The following MAGI2 variants were observed in gnomAD, a reference collection of about 807,000 sequenced individuals.
The protein encoded by MAGI2 is membrane associated guanylate kinase, WW and PDZ domain containing 2, also known as membrane-associated guanylate kinase, WW and PDZ domain-containing protein 2.
MAGI2 carries 35 observed loss-of-function variants against 133.3 expected under a neutral mutation model. The observed-to-expected ratio is 0.26, with a 90% CI of 0.20 to 0.35. The LOEUF (loss-of-function observed/expected upper bound fraction) is 0.35. Among genes scored for constraint, MAGI2 ranks in the 10% least tolerant of loss-of-function variants. The pLI is 1.00. For synonymous variants in MAGI2, 729 were observed against 710.6 expected (o/e 1.03, Z -0.41); for missense variants, 1,636 against 1,863.4 (o/e 0.88, Z 2.25).
chr7:78,526,922 C>T (rs995402781), intron 3 of MAGI2, among the ~76,000 whole-genome samples: 2 of 140,996 alleles, frequency 1.4e-5, no homozygotes, highest in Non-Finnish European at 3.0e-5. Flanking sequence ...ACAGGAGAAT[C>T]GCTTGAACCT....
At chr7:79,037,134 C>G (rs1345958938) in intron 1 of MAGI2, among the ~76,000 whole-genome samples, 1 of 152,108 alleles carries the variant, frequency 6.6e-6, no homozygotes, top group Non-Finnish European at 1.5e-5. Flanking sequence ...TTTCCTCACT[C>G]CCTTCGTTTA....
chr7:78,415,124 T>C (rs950215488), intron 6 of MAGI2, among the ~76,000 whole-genome samples: 14 of 152,142 alleles, frequency 9.2e-5, no homozygotes, highest in Non-Finnish European at 1.5e-5. Context: ...TTTTAAGGTT[T>C]CATTTAAAGC....
chr7:78,116,508 TGATTA>T (rs1349848917), intron 20 of MAGI2, among the ~76,000 whole-genome samples: 1 of 152,152 alleles, frequency 6.6e-6, no homozygotes, highest in Non-Finnish European at 1.5e-5. Context: ...ATCTTTGGCA[TGATTA>T]ATAAAGAAAA....
intron 6 of MAGI2, among the ~76,000 whole-genome samples, chr7:78,435,391 C>T (rs7810607): frequency 0.078 from 11,911 of 152,178 alleles, 595 homozygotes; most frequent in Middle Eastern, 0.15. Context: ...AAGGACACTG[C>T]CTTCCTTTAC....
chr7:78,794,369 G>A (rs1165423295), intron 2 of MAGI2, among the ~76,000 whole-genome samples: 6 of 152,138 alleles, frequency 3.9e-5, no homozygotes, highest in Admixed American at 3.9e-4. Context: ...GAATTACGAT[G>A]GCAACTGCCC....
chr7:79,054,252 C>A (rs190693857), intron 1 of MAGI2, among the ~76,000 whole-genome samples: 114 of 151,950 alleles, frequency 7.5e-4, no homozygotes, highest in African/African-American at 2.6e-3. Context: ...GTAAGTTAAA[C>A]TGAGAAAAAA....
intron 2 of MAGI2, among the ~76,000 whole-genome samples, chr7:78,723,515 G>T (rs1482285601): frequency 6.6e-6 from 1 of 152,176 alleles, no homozygotes; most frequent in Non-Finnish European, 1.5e-5. Context: ...CATGAAGGAT[G>T]CAGTATTTGA....
intron 2 of MAGI2, among the ~76,000 whole-genome samples, chr7:78,952,782 G>A (rs982057620): frequency 1.6e-4 from 24 of 152,154 alleles, no homozygotes; most frequent in African/African-American, 5.3e-4. Flanking sequence ...TTCCTTACAT[G>A]GTTTGCAAAA....
intron 1 of MAGI2, among the ~76,000 whole-genome samples, chr7:79,036,281 A>T (rs1212317526): frequency 1.3e-5 from 2 of 152,226 alleles, no homozygotes; most frequent in Non-Finnish European, 2.9e-5. Context: ...AAGCCAATGT[A>T]AAAATAGGAT....
chr7:79,103,583 G>A (rs1255194697), intron 1 of MAGI2, among the ~76,000 whole-genome samples: 2 of 152,224 alleles, frequency 1.3e-5, no homozygotes, highest in Non-Finnish European at 2.9e-5. Flanking sequence ...AGTTCTTAGT[G>A]TTAGAAATTA....
intron 1 of MAGI2, among the ~76,000 whole-genome samples, chr7:79,076,658 G>C (rs1815491248): frequency 6.6e-6 from 1 of 152,158 alleles, no homozygotes; most frequent in African/African-American, 2.4e-5. Context: ...TCTATCTCCT[G>C]TTATAGTAGA....
At chr7:78,913,001 A>G (rs189498832) in intron 2 of MAGI2, among the ~76,000 whole-genome samples, 109 of 151,916 alleles carry the variant, frequency 7.2e-4, no homozygotes, top group African/African-American at 2.5e-3. Context: ...GATCAAGAGA[A>G]AGCATCTGAA....
chr7:78,646,134 G>C (rs1810867534), intron 2 of MAGI2, among the ~76,000 whole-genome samples: 1 of 152,110 alleles, frequency 6.6e-6, no homozygotes. Context: ...GGGTCAAGGA[G>C]GGAACTTGAA....
intron 4 of MAGI2, among the ~76,000 whole-genome samples, chr7:78,513,454 G>A (rs1316144447): frequency 1.3e-5 from 2 of 152,150 alleles, no homozygotes; most frequent in Non-Finnish European, 2.9e-5. Flanking sequence ...TAAAGTAGCT[G>A]TGATTTCACA....
At chr7:78,123,228 C>G (rs936658794) in intron 20 of MAGI2, among the ~76,000 whole-genome samples, 2 of 152,248 alleles carry the variant, frequency 1.3e-5, no homozygotes, top group Admixed American at 6.5e-5. Flanking sequence ...GAAAAACCAT[C>G]TAGTATAATA....
At chr7:78,202,939 A>G (rs1164398203) in intron 10 of MAGI2, among the ~76,000 whole-genome samples, 34 of 152,200 alleles carry the variant, frequency 2.2e-4, no homozygotes, top group Non-Finnish European at 4.4e-5. Context: ...TAAAAATTAC[A>G]TATAAATAAA....
At chr7:79,095,196 T>G (rs1264668169) in intron 1 of MAGI2, among the ~76,000 whole-genome samples, 2 of 152,226 alleles carry the variant, frequency 1.3e-5, no homozygotes, top group Non-Finnish European at 2.9e-5. Context: ...GCAGCTTCCT[T>G]ACCTCTCTCA....
At chr7:78,372,985 C>CTT in intron 6 of MAGI2, among the ~76,000 whole-genome samples, 1 of 66,190 alleles carries the variant, frequency 1.5e-5, no homozygotes, top group East Asian at 4.2e-4. Context: ...AATAAATAAC[C>CTT]TTATGTGTGT....
chr7:78,646,525 G>C (rs542811012), intron 2 of MAGI2, among the ~76,000 whole-genome samples: 5 of 152,064 alleles, frequency 3.3e-5, no homozygotes, highest in Non-Finnish European at 7.4e-5. Flanking sequence ...GTTTTCAAAT[G>C]TTCACTATTA....
Sources: allele counts gnomAD v4.1 joint callset (sites outside exome capture counted in the v4.1 genomes callset), GRCh38; gene constraint gnomAD v4.1.1; transcripts MANE v1.5; gene names NCBI Gene and HGNC (gene_info 2026-07-23, HGNC 2026-07-21).